CBR3: variants seen among roughly 807,000 people sequenced by gnomAD.
CBR3 encodes carbonyl reductase [NADPH] 3.
Under a neutral mutation model 11.6 loss-of-function variants are expected in CBR3, and 14 were observed. The ratio of observed to expected loss-of-function variants is 1.20; its 90% confidence interval spans 0.79 to 1.88. The LOEUF (loss-of-function observed/expected upper bound fraction) is 1.88, where lower values mean the gene tolerates loss of function less well. CBR3 is among the 40% of genes most tolerant of loss of function. The probability of loss-of-function intolerance (pLI) is 0.00; values close to 1 mark genes in which losing one functional copy is unlikely to be tolerated. For missense variants in CBR3, 308 were observed against 357.3 expected, an observed-to-expected ratio of 0.86 and a Z score of 1.11; for synonymous variants, 125 against 145.6, an observed-to-expected ratio of 0.86 and a Z score of 1.02.
At chr21:36,137,591 C>T (rs899143495) in intron 1 of CBR3, among the ~76,000 whole-genome samples, 1 of 152,076 alleles carries the variant, frequency 6.6e-6, no homozygotes, top group African/African-American at 2.4e-5. Flanking sequence ...GCCCTTACTC[C>T]AGCCCTTTGC....
At chr21:36,135,978 T>C (rs565826647) in intron 1 of CBR3, among the ~76,000 whole-genome samples, 1 of 152,284 alleles carries the variant, frequency 6.6e-6, no homozygotes, top group Admixed American at 6.5e-5. Flanking sequence ...CTTGGTGGAC[T>C]TGACAATTTG....
chr21:36,145,443 G>T (rs2065746470), intron 2 of CBR3, among the ~76,000 whole-genome samples: 1 of 152,130 alleles, frequency 6.6e-6, no homozygotes, highest in Non-Finnish European at 1.5e-5. Context: ...GGATTCAGGT[G>T]ATCCTCTTAC....
Position 36,146,346 on chromosome 21 carries a change from T to G in CBR3, c.668T>G (p.Val223Gly), listed in dbSNP as rs1443845435. 2 of 1,613,984 alleles carry G rather than the reference T, an allele frequency of 1.2e-6. No homozygotes were observed. The highest frequency in any genetic ancestry group is 1.7e-6 in the Non-Finnish European group (2 of 1,180,034). Residue 223 changes from valine (V) to glycine (G), a missense_variant, in exon 3 of 3, where the codon GTG becomes GGG. Transcript: ENST00000290354. ...DEKRKADRILVNACCPGPVKT... is the reference protein window; with the variant it reads ...DEKRKADRILGNACCPGPVKT... The stretch of plus-strand genomic sequence containing the variant: ...AAGAGGAAAGCTGACAGGATTCTGG[T>G]GAATGCGTGCTGCCCAGGACCAGTG...
chr21:36,136,822 G>A (rs1469930573), intron 1 of CBR3, among the ~76,000 whole-genome samples: 1 of 152,010 alleles, frequency 6.6e-6, no homozygotes, highest in Non-Finnish European at 1.5e-5. Flanking sequence ...GAGGTCAGGA[G>A]TTCAAGACCA....
rs773370476 is a variant in CBR3 at position 36,146,337 on chromosome 21, G to C, written c.659G>C (p.Arg220Thr). The C allele has an allele frequency of 6.2e-7, 1 of 1,614,178 alleles. No individual in the cohort carries two copies. The highest frequency in any genetic ancestry group is 8.5e-7 in the Non-Finnish European group (1 of 1,180,032). ...RRLDEKRKAD[R>T]ILVNACCPGP... ...CTGGATGAGAAGAGGAAAGCTGACAGGATTCTGGTGAATGCGTGCTGCCCA... is the reference window on the plus strand; with the variant it reads ...CTGGATGAGAAGAGGAAAGCTGACACGATTCTGGTGAATGCGTGCTGCCCA... Residue 220 changes from arginine to threonine, a missense_variant, in exon 3 of 3, where the codon AGG (arginine) becomes ACG (threonine). By Grantham distance (71) the Arg-to-Thr change is moderately conservative. Transcript: ENST00000290354.
At chr21:36,142,328 A>G (rs2123347738) in intron 2 of CBR3, among the ~76,000 whole-genome samples, 1 of 151,214 alleles carries the variant, frequency 6.6e-6, no homozygotes, top group South Asian at 2.1e-4. Flanking sequence ...GCTACTTGGG[A>G]GACTGAGGCA....
At position 36,146,374 on chromosome 21, in the gene CBR3, G is replaced by A. The variant is rs1420816947; in HGVS notation, c.696G>A (p.Lys232=). 6.2e-7 allele frequency: 1 copy of A among 1,614,174 alleles called. No individual in the cohort carries two copies. Among genetic ancestry groups the A allele is most frequent in the South Asian group, 1.1e-5 (1 of 91,086 alleles). ...LVNACCPGPV[K]TDMDGKDSIR... Reference sequence around the variant, plus strand: ...ATGCGTGCTGCCCAGGACCAGTGAAGACAGACATGGATGGGAAAGACAGCA... The same window carrying A: ...ATGCGTGCTGCCCAGGACCAGTGAAAACAGACATGGATGGGAAAGACAGCA... The change falls in exon 3 of 3, where the codon AAG becomes AAA. Residue 232 remains lysine, a synonymous_variant. Coordinates refer to ENST00000290354, the MANE Select transcript of CBR3 (RefSeq NM_001236.4).
chr21:36,137,537 A>C, intron 1 of CBR3: 1 of 254,442 alleles, frequency 3.9e-6, no homozygotes, highest in Non-Finnish European at 7.4e-6. Context: ...GAAGGAAGGA[A>C]GGAAGGAAGG....
rs114749397 is a variant in CBR3 at position 36,139,732 on chromosome 21, G to A, written c.397+1800G>A. ...ATTTCGAATATGGATTATTGGCCGG[G>A]TGTGGTGGCTCATGCCTGTAATCTC... On this transcript the variant is annotated intron_variant, in intron 2 of 2. Transcript: ENST00000290354. 2.9e-3 allele frequency among the ~76,000 whole-genome samples: 445 copies of A among 152,156 alleles called. 2 individuals are homozygous for A. Among genetic ancestry groups the A allele is most frequent in the African/African-American group, 0.01 (429 of 41,532 alleles).
At chr21:36,143,750 T>G (rs770987205) in intron 2 of CBR3, among the ~76,000 whole-genome samples, 1 of 151,830 alleles carries the variant, frequency 6.6e-6, no homozygotes, top group African/African-American at 2.4e-5. Context: ...TGCAGTGGTG[T>G]GTGCCTGTGG....
In CBR3 at chr21:36,146,264, G is replaced by T. The variant is rs527633012; in HGVS notation, c.586G>T (p.Val196Leu). The part of the protein sequence containing the change: ...REGWPNSPYG[V>L]SKLGVTVLSR... ...AGGCTGGCCCAACTCACCTTATGGG[G>T]TGTCCAAGTTGGGGGTCACGGTCTT... Residue 196 changes from valine to leucine, a missense_variant, in exon 3 of 3, where the codon GTG becomes TTG. Transcript: ENST00000290354. 1.2e-6 allele frequency: 2 copies of T among 1,614,168 alleles called. No homozygotes were observed. The highest frequency in any genetic ancestry group is 4.5e-5 in the East Asian group (2 of 44,870).
At chr21:36,145,976 A>AC in intron 2 of CBR3, 100 bp from the exon 3 acceptor site, 2 of 820,324 alleles carry the variant, frequency 2.4e-6, no homozygotes, top group Non-Finnish European at 1.8e-6. Flanking sequence ...AAAAAAAAAA[A>AC]AAAAACCTGC....
rs757405509 is a variant in CBR3, at chr21:36,146,549, G to A, written c.*37G>A. ...GGAGCTTGCTGCTTAATAAATGTTG[G>A]TGGAATGAATGAATGAATTGATGCT... On this transcript the variant is annotated 3_prime_UTR_variant, in exon 3 of 3. Coordinates refer to ENST00000290354, the MANE Select transcript of CBR3 (RefSeq NM_001236.4). 2 of 1,508,272 alleles carry A rather than the reference G, an allele frequency of 1.3e-6. No individual in the cohort carries two copies. Among genetic ancestry groups the A allele is most frequent in the Admixed American group, 2.1e-5 (1 of 48,716 alleles). The allele number at this position is 1,508,272 out of a possible 1,614,324, so 93.4% of individuals were successfully genotyped here.
In CBR3 at chr21:36,136,575, G is replaced by A. The variant is rs539850593; in HGVS notation, c.289+1094G>A. On this transcript the variant is annotated intron_variant, in intron 1 of 2. Coordinates refer to ENST00000290354, the MANE Select transcript of CBR3 (RefSeq NM_001236.4). ...CCCCTAATGCAGCCCTCAGCCATGG[G>A]CTGAGAGATTGGTGGATAAATACCC... 8.5e-5 allele frequency among the ~76,000 whole-genome samples: 13 copies of A among 152,238 alleles called. No homozygotes were observed. The South Asian group carries it at 2.7e-3, about 32-fold the overall frequency.
At chr21:36,137,986 C>T (rs997787896) in intron 2 of CBR3, 54 bp downstream of exon 2, 1 of 965,286 alleles carries the variant, frequency 1.0e-6, no homozygotes, top group Non-Finnish European at 1.7e-6. Context: ...AAGTGGGCTA[C>T]AGGCTTCCCG....
intron 2 of CBR3, among the ~76,000 whole-genome samples, chr21:36,142,885 G>A (rs2065724400): frequency 6.6e-6 from 1 of 152,168 alleles, no homozygotes; most frequent in Non-Finnish European, 1.5e-5. Flanking sequence ...TACCTGGGGG[G>A]ATGAGTGAGG....
intron 2 of CBR3, chr21:36,141,536 T>C (rs1439863711): frequency 6.6e-6 from 1 of 152,238 alleles, no homozygotes; most frequent in Non-Finnish European, 1.5e-5. Flanking sequence ...CAGTAAGTCC[T>C]AAGTGGAACC....
rs1432819078 is a variant in CBR3 at position 36,146,242 on chromosome 21, C to T, written c.564C>T (p.Gly188=). 3.1e-6 allele frequency: 5 copies of T among 1,614,162 alleles called. No homozygotes were observed. In the Admixed American group the frequency reaches 6.7e-5, roughly 22 times the overall value. Residue 188 remains glycine (G), a synonymous_variant, in exon 3 of 3, where the codon GGC becomes GGT. Coordinates refer to ENST00000290354, the MANE Select transcript of CBR3 (RefSeq NM_001236.4). ...AAAATGAGGTGCATGAGAGGGAAGG[C>T]TGGCCCAACTCACCTTATGGGGTGT... The part of the protein sequence containing the change: ...DTKNEVHERE[G]WPNSPYGVSK...
In CBR3 at chr21:36,146,125, C is replaced by G. The variant is rs200777567; in HGVS notation, c.447C>G (p.Asn149Lys). ...TGCAGTGTTTAAGGGCTTTTGAAAACTGCAGTGAAGATCTGCAGGAAAGGT... is the reference window on the plus strand; with the variant it reads ...TGCAGTGTTTAAGGGCTTTTGAAAAGTGCAGTGAAGATCTGCAGGAAAGGT... ...SSLQCLRAFE[N>K]CSEDLQERFH... The change falls in exon 3 of 3, where the codon AAC becomes AAG. Residue 149 changes from asparagine to lysine, a missense_variant. Transcript: ENST00000290354. 3.1e-6 allele frequency: 5 copies of G among 1,613,868 alleles called. No individual in the cohort carries two copies. The highest frequency in any genetic ancestry group is 4.2e-6 in the Non-Finnish European group (5 of 1,179,924).
Sources: gnomAD v4.1 joint callset for allele counts (sites outside exome capture counted in the v4.1 genomes callset) on GRCh38, gnomAD v4.1.1 for gene constraint, MANE v1.5 for transcripts, NCBI Gene and HGNC (gene_info 2026-07-23, HGNC 2026-07-21) for gene names.